Variants in LIX1 observed in about 807,000 individuals in gnomAD.
LIX1 encodes the protein protein limb expression 1 homolog.
Under a neutral mutation model 33.4 loss-of-function variants are expected in LIX1, and 24 were observed. The ratio of observed to expected loss-of-function variants is 0.72; its 90% CI spans 0.52 to 1.01. The LOEUF is 1.01. LIX1 is among the 50% of genes least tolerant of loss of function. LIX1 has a pLI of 0.00. For synonymous variants in LIX1, 124 were observed against 124.0 expected (o/e 1.00, Z 0.00); for missense variants, 311 against 339.2 (o/e 0.92, Z 0.65).
chr5:97,132,622 C>T (rs1251764158), intron 1 of LIX1, among the ~76,000 whole-genome samples: 2 of 152,144 alleles, frequency 1.3e-5, no homozygotes, highest in Non-Finnish European at 2.9e-5. Flanking sequence ...ATGTGAACCC[C>T]ATTGCCCTGA....
At chr5:97,134,781 C>A (rs1194623870) in intron 1 of LIX1, among the ~76,000 whole-genome samples, 1 of 152,180 alleles carries the variant, frequency 6.6e-6, no homozygotes, top group Non-Finnish European at 1.5e-5. Context: ...CTATACTCAG[C>A]CTTTGCCAAG....
chr5:97,124,803 A>T (rs556258085), intron 1 of LIX1, among the ~76,000 whole-genome samples, 174 bp from the exon 2 acceptor site: 1 of 152,326 alleles, frequency 6.6e-6, no homozygotes, highest in Admixed American at 6.5e-5. Context: ...TACTTTATTT[A>T]AATATATTTA....
At chr5:97,125,324 A>G (rs1232340906) in intron 1 of LIX1, among the ~76,000 whole-genome samples, 2 of 152,246 alleles carry the variant, frequency 1.3e-5, no homozygotes, top group Admixed American at 6.5e-5. Context: ...AGATCAAATT[A>G]GATTGGTTTG....
intron 2 of LIX1, among the ~76,000 whole-genome samples, chr5:97,113,399 C>A (rs1312537909): frequency 6.6e-6 from 1 of 152,204 alleles, no homozygotes; most frequent in Non-Finnish European, 1.5e-5. Context: ...GTAACTAATA[C>A]AAAGGCTTTG....
chr5:97,097,488 T>C (rs1746447447), intron 4 of LIX1, among the ~76,000 whole-genome samples: 1 of 152,212 alleles, frequency 6.6e-6, no homozygotes, highest in African/African-American at 2.4e-5. Flanking sequence ...TGTAAATGCC[T>C]AGAAGAGTTC....
chr5:97,108,208 C>T (rs1747168158), intron 2 of LIX1, among the ~76,000 whole-genome samples: 1 of 152,208 alleles, frequency 6.6e-6, no homozygotes, highest in Non-Finnish European at 1.5e-5. Context: ...ATTTGTCCCC[C>T]ACCTTCCTTC....
At chr5:97,108,463 T>G (rs1747190033) in intron 2 of LIX1, among the ~76,000 whole-genome samples, 1 of 152,190 alleles carries the variant, frequency 6.6e-6, no homozygotes, top group Non-Finnish European at 1.5e-5. Flanking sequence ...CTGTCCTCCC[T>G]GCCTCTGAAC....
At chr5:97,132,263 A>AT (rs1448212993) in intron 1 of LIX1, among the ~76,000 whole-genome samples, 2 of 152,244 alleles carry the variant, frequency 1.3e-5, no homozygotes, top group Non-Finnish European at 1.5e-5. Context: ...GAAATAATAT[A>AT]TTCATCATAT....
rs1746091571 is a variant in LIX1 at position 97,092,001 on chromosome 5, T to C, written c.*2747A>G. On this transcript the variant is annotated 3_prime_UTR_variant, in exon 6 of 6. Coordinates refer to ENST00000274382, the MANE Select transcript of LIX1 (RefSeq NM_153234.5). ...AATTTGGATTTTGTGGAACTTAAAC[T>C]ATCTCATGTCAAACACAGTGCAATT... The C allele has an allele frequency of 6.6e-6, 1 of 152,362 alleles. No individual in the cohort carries two copies. Among genetic ancestry groups the C allele is most frequent in the African/African-American group, 2.4e-5 (1 of 41,458 alleles). 9.4% of individuals were successfully genotyped at this position (152,362 alleles called of 1,614,324 possible).
In LIX1 at chr5:97,130,249, C is replaced by T. The variant is rs76182582; in HGVS notation, c.83-5620G>A. ...GTTTCCCCCGTAGAGAGAAATGAGC[C>T]TTCTGGCAAGGCCAGGTCTCTGCCT... On this transcript the variant is annotated intron_variant, in intron 1 of 5. Transcript: ENST00000274382. 5.2e-3 allele frequency among the ~76,000 whole-genome samples: 799 copies of T among 152,356 alleles called. 27 individuals are homozygous for T. Among genetic ancestry groups the T allele is most frequent in the East Asian group, 0.048 (250 of 5,188 alleles).
In LIX1 at chr5:97,094,115, A is replaced by C. The variant is rs1487794802; in HGVS notation, c.*633T>G. On this transcript the variant is annotated 3_prime_UTR_variant, in exon 6 of 6. Coordinates refer to ENST00000274382, the MANE Select transcript of LIX1 (RefSeq NM_153234.5). ...ATATGGAAGAGTGTGGGTTTTAAAA[A>C]TTATTGTTACAAAAACATTTTAAAC... 1.3e-5 allele frequency: 2 copies of C among 152,266 alleles called. No individual in the cohort carries two copies. The highest frequency in any genetic ancestry group is 2.9e-5 in the Non-Finnish European group (2 of 68,028). The allele number at this position is 152,266 out of a possible 1,614,324, so 9.4% of individuals were successfully genotyped here.
chr5:97,096,331 C>A lies in LIX1; in HGVS notation c.561+479G>T, dbSNP rs574510578. 3.3e-5 allele frequency among the ~76,000 whole-genome samples: 5 copies of A among 152,272 alleles called. No individual in the cohort carries two copies. The East Asian group carries it at 9.6e-4, about 29-fold the overall frequency. ...AAAAATGGGAGTGATTAAATGCCGGCTTGTCAGACTTTATAATCATTTCTG... is the reference window on the plus strand; with the variant it reads ...AAAAATGGGAGTGATTAAATGCCGGATTGTCAGACTTTATAATCATTTCTG... On this transcript the variant is annotated intron_variant, in intron 5 of 5. Coordinates refer to ENST00000274382, the MANE Select transcript of LIX1 (RefSeq NM_153234.5).
intron 2 of LIX1, among the ~76,000 whole-genome samples, chr5:97,121,895 G>T (rs1173726820): frequency 6.6e-6 from 1 of 152,170 alleles, no homozygotes; most frequent in Non-Finnish European, 1.5e-5. Flanking sequence ...TGAGAGGACA[G>T]CTGGGTGCTT....
chr5:97,121,005 T>C (rs1747769763), intron 2 of LIX1, among the ~76,000 whole-genome samples: 1 of 152,184 alleles, frequency 6.6e-6, no homozygotes, highest in Admixed American at 6.5e-5. Context: ...TGGTGTGTCT[T>C]TTTTCCTTAA....
At chr5:97,102,499 G>C (rs1320460427) in intron 4 of LIX1, among the ~76,000 whole-genome samples, 1 of 152,142 alleles carries the variant, frequency 6.6e-6, no homozygotes, top group Non-Finnish European at 1.5e-5. Flanking sequence ...AGGGAGTTTG[G>C]ATTTTCCCTG....
In LIX1 at chr5:97,092,187, T is replaced by TG. The variant is rs1381842429; in HGVS notation, c.*2560dup. On this transcript the variant is annotated 3_prime_UTR_variant, in exon 6 of 6. Transcript: ENST00000274382. ...ATCCCCTAGGGCAATCTCTGGACTTTGGGGGGTCCACATACTCTGGAACTG... is the reference window on the plus strand; with the variant it reads ...ATCCCCTAGGGCAATCTCTGGACTTTGGGGGGGTCCACATACTCTGGAACTG... 1 of 152,328 alleles carries TG rather than the reference T, an allele frequency of 6.6e-6. No homozygotes were observed. Among genetic ancestry groups the TG allele is most frequent in the African/African-American group, 2.4e-5 (1 of 41,440 alleles). The allele number at this position is 152,328 out of a possible 1,614,324, so 9.4% of individuals were successfully genotyped here. A position where few individuals can be genotyped will look rare whatever the true frequency, so the allele number is the denominator to read the frequency against.
chr5:97,117,917 A>G (rs1747677172), intron 2 of LIX1, among the ~76,000 whole-genome samples: 2 of 114,214 alleles, frequency 1.8e-5, no homozygotes, highest in Non-Finnish European at 1.8e-5. Context: ...ATTGGTTACA[A>G]ATGGAAAAAA....
In LIX1 at chr5:97,125,666, G is replaced by C. The variant is rs116781790; in HGVS notation, c.83-1037C>G. On this transcript the variant is annotated intron_variant, in intron 1 of 5. Coordinates refer to ENST00000274382, the MANE Select transcript of LIX1 (RefSeq NM_153234.5). ...AAAGTTTATTTCCTTATCCACATGGGAGCCCACCACAGGTTTAAAAGCAGT... is the reference window on the plus strand; with the variant it reads ...AAAGTTTATTTCCTTATCCACATGGCAGCCCACCACAGGTTTAAAAGCAGT... 8.8e-3 allele frequency among the ~76,000 whole-genome samples: 1,343 copies of C among 152,276 alleles called. 25 individuals are homozygous for C. Among genetic ancestry groups the C allele is most frequent in the African/African-American group, 0.031 (1,283 of 41,562 alleles).
chr5:97,115,011 T>A (rs573272858), intron 2 of LIX1, among the ~76,000 whole-genome samples: 1 of 152,332 alleles, frequency 6.6e-6, no homozygotes, highest in Admixed American at 6.5e-5. Flanking sequence ...ATGATAGTTC[T>A]TCTACAATTA....
Sources: gnomAD v4.1 joint callset for allele counts (sites outside exome capture counted in the v4.1 genomes callset) on GRCh38, gnomAD v4.1.1 for gene constraint, MANE v1.5 for transcripts, NCBI Gene and HGNC (gene_info 2026-07-23, HGNC 2026-07-21) for gene names.